The following ADGRL2 variants were observed in gnomAD, a reference collection of about 807,000 sequenced individuals.
ADGRL2 encodes the protein adhesion G protein-coupled receptor L2.
ADGRL2 carries 44 observed loss-of-function variants against 157.4 expected under a neutral mutation model. The ratio of observed to expected loss-of-function variants is 0.28; its 90% confidence interval spans 0.22 to 0.36. The LOEUF (loss-of-function observed/expected upper bound fraction) is 0.36. Ranked by LOEUF, ADGRL2 falls within the 10% of genes least tolerant of loss-of-function variation. The pLI, the probability that ADGRL2 is intolerant of heterozygous loss-of-function variation, is 1.00. For missense variants in ADGRL2, 1,510 were observed against 1,768.9 expected (o/e 0.85, Z 2.63); for synonymous variants, 585 against 624.7 (o/e 0.94, Z 0.95).
At chr1:81,513,933 C>T (rs1357909692) in intron 2 of ADGRL2, 2 of 152,188 alleles carry the variant, frequency 1.3e-5, no homozygotes, top group Non-Finnish European at 2.9e-5. Context: ...TTCCTGTCAT[C>T]TTCTGTGAAT....
At chr1:81,568,407 C>G (rs906981737) in intron 2 of ADGRL2, among the ~76,000 whole-genome samples, 5 of 152,144 alleles carry the variant, frequency 3.3e-5, no homozygotes, top group Non-Finnish European at 5.9e-5. Context: ...TCTAGCTTTT[C>G]TGTCTGCCTG....
At chr1:81,898,752 CTAAGT>C (rs528290008) in intron 2 of ADGRL2, among the ~76,000 whole-genome samples, 3 of 152,166 alleles carry the variant, frequency 2.0e-5, no homozygotes, top group Non-Finnish European at 4.4e-5. Context: ...CTATTTTCAT[CTAAGT>C]TAAGATGAAA....
intron 2 of ADGRL2, among the ~76,000 whole-genome samples, chr1:81,897,791 T>A (rs1201842912): frequency 6.6e-6 from 1 of 152,214 alleles, no homozygotes; most frequent in Non-Finnish European, 1.5e-5. Flanking sequence ...ATGCATGTAT[T>A]TGTTAGAAAA....
At chr1:81,334,394 C>T (rs1418679096) in intron 1 of ADGRL2, among the ~76,000 whole-genome samples, 1 of 152,160 alleles carries the variant, frequency 6.6e-6, no homozygotes, top group Non-Finnish European at 1.5e-5. Context: ...TCCAGTCTTC[C>T]TGTCATATTA....
chr1:81,865,511 C>A (rs2093515652), intron 2 of ADGRL2, among the ~76,000 whole-genome samples: 1 of 152,124 alleles, frequency 6.6e-6, no homozygotes, highest in Non-Finnish European at 1.5e-5. Context: ...CCTACCTATT[C>A]TAGAAAGAAA....
intron 1 of ADGRL2, among the ~76,000 whole-genome samples, chr1:81,737,993 C>T (rs562718658): frequency 2.7e-4 from 41 of 152,206 alleles, no homozygotes; most frequent in African/African-American, 9.2e-4. Flanking sequence ...AGACTGAAAC[C>T]CAAATTAGAA....
chr1:81,882,936 G>A (rs1209076679), intron 2 of ADGRL2, among the ~76,000 whole-genome samples: 1 of 152,122 alleles, frequency 6.6e-6, no homozygotes, highest in Non-Finnish European at 1.5e-5. Flanking sequence ...TCCAAATCTG[G>A]TTGGCCCTAT....
chr1:81,420,469 C>T (rs2077105164), intron 1 of ADGRL2, among the ~76,000 whole-genome samples: 1 of 152,164 alleles, frequency 6.6e-6, no homozygotes, highest in African/African-American at 2.4e-5. Context: ...GTTTATCTTT[C>T]ATGTTTGAAA....
At chr1:81,338,181 G>A (rs1557608104) in intron 1 of ADGRL2, among the ~76,000 whole-genome samples, 1 of 152,032 alleles carries the variant, frequency 6.6e-6, no homozygotes. Flanking sequence ...TGGACAACAT[G>A]GCAAAATCCT....
intron 2 of ADGRL2, among the ~76,000 whole-genome samples, chr1:81,511,221 G>A (rs947157387): frequency 1.3e-5 from 2 of 151,784 alleles, no homozygotes; most frequent in Non-Finnish European, 1.5e-5. Context: ...GTACCTTGGA[G>A]GATGTTGTCT....
At chr1:81,607,804 C>A (rs906685775) in intron 3 of ADGRL2, among the ~76,000 whole-genome samples, 1 of 152,064 alleles carries the variant, frequency 6.6e-6, no homozygotes, top group Non-Finnish European at 1.5e-5. Context: ...AAAATAGGAC[C>A]TCCCTTTGGT....
chr1:81,757,841 G>A (rs554882209), intron 1 of ADGRL2, among the ~76,000 whole-genome samples: 14 of 152,252 alleles, frequency 9.2e-5, no homozygotes, highest in East Asian at 7.7e-4. Flanking sequence ...TCCAAGCGGC[G>A]GCACTGGAGT....
At chr1:81,863,919 T>C (rs2093460548) in intron 2 of ADGRL2, among the ~76,000 whole-genome samples, 1 of 152,216 alleles carries the variant, frequency 6.6e-6, no homozygotes, top group Non-Finnish European at 1.5e-5. Flanking sequence ...GTAGATACTT[T>C]CTTTTTCAGC....
chr1:81,719,757 C>T (rs1388410415), intron 1 of ADGRL2, among the ~76,000 whole-genome samples: 1 of 152,116 alleles, frequency 6.6e-6, no homozygotes, highest in Non-Finnish European at 1.5e-5. Context: ...TCTTTGTATA[C>T]AGCCCAATGC....
intron 3 of ADGRL2, among the ~76,000 whole-genome samples, chr1:81,628,814 G>A (rs912251314): frequency 6.6e-6 from 1 of 151,716 alleles, no homozygotes; most frequent in African/African-American, 2.4e-5. Context: ...GAATTTTTTA[G>A]GCAAAAAAAT....
intron 2 of ADGRL2, among the ~76,000 whole-genome samples, chr1:81,463,114 C>CAAAAAAAAAA (rs56920139): frequency 2.5e-4 from 23 of 93,688 alleles, no homozygotes; most frequent in Non-Finnish European, 4.2e-4. Context: ...GACCATGTCT[C>CAAAAAAAAAA]AAAAAAAAAA....
chr1:81,602,104 T>G (rs2081343415), intron 3 of ADGRL2, among the ~76,000 whole-genome samples: 1 of 144,480 alleles, frequency 6.9e-6, no homozygotes, highest in South Asian at 2.3e-4. Flanking sequence ...CATATATAGA[T>G]TCTGCTACTT....
At chr1:81,675,572 GTTTT>G (rs3045497) in intron 3 of ADGRL2, among the ~76,000 whole-genome samples, 1 of 143,436 alleles carries the variant, frequency 7.0e-6, no homozygotes, top group African/African-American at 2.6e-5. Flanking sequence ...AAAATAAACT[GTTTT>G]TTTTTTTTTT....
intron 2 of ADGRL2, among the ~76,000 whole-genome samples, chr1:81,534,169 T>A (rs897887496): frequency 5.9e-5 from 9 of 152,156 alleles, no homozygotes; most frequent in Non-Finnish European, 1.3e-4. Context: ...CTATTTATTT[T>A]TTATTTTTTT....
Sources: allele counts gnomAD v4.1 joint callset (sites outside exome capture counted in the v4.1 genomes callset), GRCh38; gene constraint gnomAD v4.1.1; transcripts MANE v1.5; gene names NCBI Gene and HGNC (gene_info 2026-07-23, HGNC 2026-07-21).